The following CSTPP1 variants were observed in gnomAD, a reference collection of about 807,000 sequenced individuals.
CSTPP1 encodes the protein UPF0705 protein C11orf49.
the CSTPP1 span, among the ~76,000 whole-genome samples, chr11:47,024,059 T>A: frequency 6.6e-6 from 1 of 152,092 alleles, no homozygotes; most frequent in Non-Finnish European, 1.5e-5. Context: ...GTTCCTTTTT[T>A]TTTTTTCTAA....
the CSTPP1 span, chr11:47,042,011 C>T: frequency 5.2e-6 from 1 of 190,816 alleles, no homozygotes; most frequent in African/African-American, 2.3e-5. Context: ...TGAGATCGGC[C>T]TGGAAGTGAG....
At chr11:46,987,866 A>AAAAC in the CSTPP1 span, 1 of 153,114 alleles carries the variant, frequency 6.5e-6, no homozygotes, top group Non-Finnish European at 1.5e-5. Context: ...TCTCTATAGG[A>AAAAC]AAACATCCAA....
chr11:47,060,107 A>C, the CSTPP1 span, among the ~76,000 whole-genome samples: 2 of 69,342 alleles, frequency 2.9e-5, no homozygotes, highest in Non-Finnish European at 5.3e-5. Context: ...CTGTCTCGAA[A>C]AAAAAAAAAA....
At chr11:47,157,711 G>C in the CSTPP1 span, 2 of 1,139,984 alleles carry the variant, frequency 1.8e-6, no homozygotes, top group Middle Eastern at 2.2e-4. Flanking sequence ...CCCAAGGCAG[G>C]TCCCTGGCTT....
the CSTPP1 span, among the ~76,000 whole-genome samples, chr11:46,981,681 G>C: frequency 6.6e-6 from 1 of 151,970 alleles, no homozygotes; most frequent in Non-Finnish European, 1.5e-5. Flanking sequence ...TACGGGCTTT[G>C]GAGTCAAATC....
chr11:47,161,115 A>G, the CSTPP1 span: 173 of 1,613,962 alleles, frequency 1.1e-4, no homozygotes, highest in Middle Eastern at 3.3e-4. Context: ...TGTGCCCCCA[A>G]TGATCTCCTA....
chr11:47,115,864 T>C, the CSTPP1 span, among the ~76,000 whole-genome samples: 1 of 152,182 alleles, frequency 6.6e-6, no homozygotes, highest in Non-Finnish European at 1.5e-5. Context: ...TGCTAGCTTT[T>C]GAATTTGTTT....
the CSTPP1 span, among the ~76,000 whole-genome samples, chr11:47,005,882 G>A: frequency 2.4e-3 from 372 of 152,220 alleles, 1 homozygote; most frequent in African/African-American, 8.1e-3. Context: ...AGTAGCTACT[G>A]CTACTACTGT....
the CSTPP1 span, among the ~76,000 whole-genome samples, chr11:47,044,875 C>G: frequency 6.6e-6 from 1 of 152,164 alleles, no homozygotes; most frequent in African/African-American, 2.4e-5. Context: ...TGCTACTGCA[C>G]TCCAGCCTGG....
At chr11:47,122,091 A>AAAAT in the CSTPP1 span, among the ~76,000 whole-genome samples, 236 of 31,826 alleles carry the variant, frequency 7.4e-3, 5 homozygotes, top group Non-Finnish European at 0.011. Context: ...AAAAAAAAAA[A>AAAAT]ATATATATAT....
the CSTPP1 span, chr11:46,987,938 A>G: frequency 6.6e-6 from 1 of 152,332 alleles, no homozygotes; most frequent in Non-Finnish European, 1.5e-5. Context: ...AGACATACAA[A>G]TGGCAAACAG....
At chr11:47,038,742 A>G in the CSTPP1 span, among the ~76,000 whole-genome samples, 3 of 119,950 alleles carry the variant, frequency 2.5e-5, 1 homozygote, top group Admixed American at 8.8e-5. Context: ...CTCACTTCCC[A>G]GACGGGGTGG....
chr11:47,078,803 A>C, the CSTPP1 span, among the ~76,000 whole-genome samples: 1 of 152,200 alleles, frequency 6.6e-6, no homozygotes, highest in African/African-American at 2.4e-5. Flanking sequence ...ATTAGCTTGG[A>C]AATTTGAGAA....
the CSTPP1 span, among the ~76,000 whole-genome samples, chr11:47,146,751 C>T: frequency 6.6e-6 from 1 of 152,102 alleles, no homozygotes; most frequent in East Asian, 1.9e-4. Flanking sequence ...TTGTAATGGC[C>T]GCCATTGGAA....
the CSTPP1 span, among the ~76,000 whole-genome samples, chr11:47,035,346 T>C: frequency 1.3e-5 from 2 of 152,308 alleles, no homozygotes; most frequent in East Asian, 3.9e-4. Flanking sequence ...ATAGTGTTAT[T>C]TGAGGTTTAT....
At chr11:47,162,757 C>T in the CSTPP1 span, among the ~76,000 whole-genome samples, 2 of 152,164 alleles carry the variant, frequency 1.3e-5, no homozygotes, top group Non-Finnish European at 1.5e-5. Flanking sequence ...GGACTGCCTC[C>T]TCTGAAGGTG....
the CSTPP1 span, among the ~76,000 whole-genome samples, chr11:47,102,291 T>TTTTC: frequency 2.6e-4 from 40 of 152,254 alleles, no homozygotes; most frequent in East Asian, 6.4e-3. Context: ...GATGTCTTTT[T>TTTTC]TTTCTTTCTT....
the CSTPP1 span, among the ~76,000 whole-genome samples, chr11:46,958,420 A>C: frequency 1.3e-5 from 2 of 152,174 alleles, no homozygotes; most frequent in African/African-American, 4.8e-5. Flanking sequence ...CTGTCAGTCA[A>C]ATATTGGCTA....
chr11:47,008,854 C>A, the CSTPP1 span, among the ~76,000 whole-genome samples: 3 of 151,916 alleles, frequency 2.0e-5, no homozygotes, highest in East Asian at 5.8e-4. Context: ...CACGGTGAAA[C>A]CCCGTCTCTA....
Sources: gnomAD v4.1 joint callset for allele counts (sites outside exome capture counted in the v4.1 genomes callset) on GRCh38, gnomAD v4.1.1 for gene constraint, MANE v1.5 for transcripts, NCBI Gene and HGNC (gene_info 2026-07-23, HGNC 2026-07-21) for gene names.